The following B3GALT1 variants were observed in gnomAD, a reference collection of about 807,000 sequenced individuals.
B3GALT1 encodes UDP-Gal:betaGlcNAc beta 1,3-galactosyltransferase, polypeptide 1.
A neutral mutation model predicts 23.2 loss-of-function variants in B3GALT1; 10 were observed. The ratio of observed to expected loss-of-function variants is 0.43; its 90% CI spans 0.27 to 0.73. B3GALT1 has a LOEUF of 0.73. Ranked by LOEUF, B3GALT1 falls within the 30% of genes least tolerant of loss-of-function variation. The probability of loss-of-function intolerance (pLI) is 0.21; values close to 1 mark genes in which losing one functional copy is unlikely to be tolerated. For synonymous variants in B3GALT1, 156 were observed against 141.5 expected (o/e 1.10, Z -0.73); for missense variants, 299 against 405.4 (o/e 0.74, Z 2.25).
At chr2:167,381,798 G>A (rs1007521679) in intron 1 of B3GALT1, among the ~76,000 whole-genome samples, 2 of 152,168 alleles carry the variant, frequency 1.3e-5, no homozygotes, top group African/African-American at 4.8e-5. Context: ...TTGTTTAAAG[G>A]TTTAAATAAA....
chr2:167,744,206 G>T (rs532268925), intron 3 of B3GALT1, among the ~76,000 whole-genome samples: 31 of 152,082 alleles, frequency 2.0e-4, no homozygotes, highest in Non-Finnish European at 3.2e-4. Flanking sequence ...ATCACTAGTT[G>T]TGTGCAGGAG....
At position 167,582,460 on chromosome 2, in the gene B3GALT1, T is replaced by G. The variant is rs150604422; in HGVS notation, c.-409-64449T>G. ...AGTGTCTATTCTCTAAAACTGCTCTTATGTCTTTCACTAGCTTCCACACAC... is the reference window on the plus strand; with the variant it reads ...AGTGTCTATTCTCTAAAACTGCTCTGATGTCTTTCACTAGCTTCCACACAC... On this transcript the variant is annotated intron_variant, in intron 2 of 4. Coordinates refer to ENST00000392690, the MANE Select transcript of B3GALT1 (RefSeq NM_020981.4). Among the ~76,000 whole-genome samples the G allele has an allele frequency of 2.0e-5, 3 of 152,348 alleles. 1 individual carries two copies. In the South Asian group the frequency reaches 6.2e-4, roughly 32 times the overall value.
At chr2:167,385,601 A>G (rs1247464577) in intron 1 of B3GALT1, among the ~76,000 whole-genome samples, 3 of 152,016 alleles carry the variant, frequency 2.0e-5, no homozygotes, top group Non-Finnish European at 4.4e-5. Flanking sequence ...TTTCACTAAT[A>G]ACTTGCTGAT....
intron 2 of B3GALT1, among the ~76,000 whole-genome samples, chr2:167,572,342 T>C (rs1684309052): frequency 6.6e-6 from 1 of 151,840 alleles, no homozygotes; most frequent in African/African-American, 2.4e-5. Context: ...AGTTGTAAAT[T>C]ATAGGCTACA....
At chr2:167,478,421 A>G (rs1427669891) in intron 1 of B3GALT1, among the ~76,000 whole-genome samples, 1 of 152,186 alleles carries the variant, frequency 6.6e-6, no homozygotes, top group Non-Finnish European at 1.5e-5. Context: ...ATCATTAGAT[A>G]GGGGGCTGGA....
chr2:167,612,614 T>C (rs985960759), intron 2 of B3GALT1, among the ~76,000 whole-genome samples: 1 of 151,980 alleles, frequency 6.6e-6, no homozygotes, highest in Non-Finnish European at 1.5e-5. Flanking sequence ...CCAACATTTT[T>C]TTATTTGCTT....
rs61039895 is a variant in B3GALT1, at chr2:167,820,237, C to T, written c.-230+1444C>T. On this transcript the variant is annotated intron_variant, in intron 4 of 4. Coordinates refer to ENST00000392690, the MANE Select transcript of B3GALT1 (RefSeq NM_020981.4). ...CAAAACAGAAAATAAATAAATAATA[C>T]AATTACAAATTGCAATAAGCACTAT... Among the ~76,000 whole-genome samples the T allele has an allele frequency of 1.6e-4, 24 of 152,270 alleles. No homozygotes were observed. The East Asian group carries it at 4.2e-3, about 27-fold the overall frequency.
intron 1 of B3GALT1, among the ~76,000 whole-genome samples, chr2:167,472,924 T>C (rs1699437603): frequency 1.3e-5 from 2 of 152,132 alleles, no homozygotes; most frequent in Admixed American, 1.3e-4. Flanking sequence ...TTCTGATTTT[T>C]TTGTGAAAAA....
At chr2:167,368,878 G>T (rs1017092098) in intron 1 of B3GALT1, among the ~76,000 whole-genome samples, 14 of 151,768 alleles carry the variant, frequency 9.2e-5, no homozygotes, top group African/African-American at 3.2e-4. Flanking sequence ...ATATCCATTA[G>T]GTATTGCATG....
Position 167,869,573 on chromosome 2 carries a change from C to A in B3GALT1, c.534C>A (p.Ser178Arg), listed in dbSNP as rs763231079. ...CCAAGTATGTCATGAAAACAGACAGCGACATTTTTGTAAACATGGACAATC... is the reference window on the plus strand; with the variant it reads ...CCAAGTATGTCATGAAAACAGACAGAGACATTTTTGTAAACATGGACAATC... The part of the protein sequence containing the change: ...SKAKYVMKTD[S>R]DIFVNMDNLI... The change falls in exon 5 of 5, where the codon AGC becomes AGA. Residue 178 changes from serine to arginine, a missense_variant. Transcript: ENST00000392690. This position sits in a 1 kb window ranked among gnomAD's most constrained non-coding sequence, Gnocchi z 6.4. 6.2e-7 allele frequency: 1 copy of A among 1,614,046 alleles called. No individual in the cohort carries two copies. Among genetic ancestry groups the A allele is most frequent in the Non-Finnish European group, 8.5e-7 (1 of 1,179,992 alleles).
intron 2 of B3GALT1, among the ~76,000 whole-genome samples, chr2:167,499,534 T>G (rs1413806591): frequency 6.6e-6 from 1 of 152,176 alleles, no homozygotes; most frequent in East Asian, 1.9e-4. Context: ...AATTTCTATA[T>G]TTGATGGCAA....
chr2:167,335,796 T>C (rs1697050721), intron 1 of B3GALT1, among the ~76,000 whole-genome samples: 1 of 152,168 alleles, frequency 6.6e-6, no homozygotes, highest in Non-Finnish European at 1.5e-5. Context: ...TTATCAGTAA[T>C]GTCTTTATGA....
At chr2:167,383,944 C>T (rs1697881808) in intron 1 of B3GALT1, among the ~76,000 whole-genome samples, 1 of 152,146 alleles carries the variant, frequency 6.6e-6, no homozygotes, top group South Asian at 2.1e-4. Context: ...TGTAATATAA[C>T]ACTACTATAA....
chr2:167,445,581 A>G (rs540152781), intron 1 of B3GALT1, among the ~76,000 whole-genome samples: 2 of 152,266 alleles, frequency 1.3e-5, no homozygotes, highest in South Asian at 4.1e-4. Flanking sequence ...TAGAGTTGTT[A>G]GCTCTTCTTG....
At chr2:167,722,790 C>T (rs1687255006) in intron 3 of B3GALT1, among the ~76,000 whole-genome samples, 1 of 152,104 alleles carries the variant, frequency 6.6e-6, no homozygotes, top group Non-Finnish European at 1.5e-5. Flanking sequence ...ATTCCTAAAT[C>T]AAGTGACATG....
At position 167,543,353 on chromosome 2, in the gene B3GALT1, A is replaced by T. The variant is rs555294128; in HGVS notation, c.-410+53076A>T. On this transcript the variant is annotated intron_variant, in intron 2 of 4. Coordinates refer to ENST00000392690, the MANE Select transcript of B3GALT1 (RefSeq NM_020981.4). ...TGAGATAAAATTAATAAACTTTTTG[A>T]CATTTTTTGAGAGTATTAATGCTTC... 6.6e-5 allele frequency among the ~76,000 whole-genome samples: 10 copies of T among 152,284 alleles called. No individual in the cohort carries two copies. The East Asian group carries it at 1.9e-3, about 29-fold the overall frequency.
At chr2:167,542,153 C>G (rs547354380) in intron 2 of B3GALT1, among the ~76,000 whole-genome samples, 2 of 152,026 alleles carry the variant, frequency 1.3e-5, no homozygotes, top group South Asian at 2.1e-4. Flanking sequence ...AAATGTTTCA[C>G]TTATCTTGTA....
intron 3 of B3GALT1, among the ~76,000 whole-genome samples, chr2:167,650,622 A>G (rs1168740225): frequency 6.6e-6 from 1 of 152,078 alleles, no homozygotes; most frequent in Non-Finnish European, 1.5e-5. Context: ...AGTGTTTGGT[A>G]GAATTCATCA....
chr2:167,318,063 C>T (rs1474560787), intron 1 of B3GALT1, among the ~76,000 whole-genome samples: 3 of 152,048 alleles, frequency 2.0e-5, no homozygotes, highest in Admixed American at 1.3e-4. Flanking sequence ...CGCGGTGGCT[C>T]ACGCCTGTAA....
Sources: gnomAD v4.1 joint callset for allele counts (sites outside exome capture counted in the v4.1 genomes callset) on GRCh38, gnomAD v4.1.1 for gene constraint, Gnocchi (gnomAD v3.1) non-coding constraint, MANE v1.5 for transcripts, NCBI Gene and HGNC (gene_info 2026-07-23, HGNC 2026-07-21) for gene names.